SAMM50: variants seen among roughly 807,000 people sequenced by gnomAD.
SAMM50 encodes the protein sorting and assembly machinery component 50 homolog.
Under a neutral mutation model 66.9 loss-of-function variants are expected in SAMM50, and 47 were observed. The ratio of observed to expected loss-of-function variants is 0.70; its 90% CI spans 0.56 to 0.90. The LOEUF (loss-of-function observed/expected upper bound fraction) is 0.90. Ranked by LOEUF, SAMM50 falls within the 40% of genes least tolerant of loss-of-function variation. The probability of loss-of-function intolerance (pLI) is 0.00; values close to 1 mark genes in which losing one functional copy is unlikely to be tolerated. For synonymous variants in SAMM50, 191 were observed against 214.1 expected, an observed-to-expected ratio of 0.89 and a Z score of 0.94; for missense variants, 535 against 595.3, an observed-to-expected ratio of 0.90 and a Z score of 1.05.
intron 7 of SAMM50, 173 bp from the exon 8 acceptor site, chr22:43,975,882 C>A: frequency 1.6e-6 from 1 of 637,422 alleles, no homozygotes; most frequent in Non-Finnish European, 2.7e-6. Context: ...TGTCCTTCTT[C>A]CCTCTGGTTT....
At chr22:43,985,808 C>T (rs1055345433) in intron 12 of SAMM50, among the ~76,000 whole-genome samples, 4 of 151,876 alleles carry the variant, frequency 2.6e-5, no homozygotes, top group African/African-American at 4.9e-5. Flanking sequence ...GGGGTGGCCG[C>T]GTCCTTTTGC....
intron 3 of SAMM50, among the ~76,000 whole-genome samples, chr22:43,966,877 A>C (rs1282085758): frequency 1.3e-5 from 2 of 149,954 alleles, no homozygotes; most frequent in Non-Finnish European, 3.0e-5. Context: ...TCTGTCTTCC[A>C]TTGGGTCATT....
At chr22:43,964,309 A>G (rs990498441) in intron 2 of SAMM50, 143 bp from the exon 3 acceptor site, 7 of 513,324 alleles carry the variant, frequency 1.4e-5, no homozygotes, top group African/African-American at 1.2e-4. Flanking sequence ...TGTGAAAGAT[A>G]GTAAAGTCCA....
intron 4 of SAMM50, among the ~76,000 whole-genome samples, chr22:43,971,530 A>G (rs889990891): frequency 1.8e-4 from 28 of 152,248 alleles, no homozygotes; most frequent in African/African-American, 6.3e-4. Context: ...TGACACCCCT[A>G]TTGTCATGTG....
At chr22:43,970,691 C>T (rs2050198859) in intron 4 of SAMM50, among the ~76,000 whole-genome samples, 1 of 151,968 alleles carries the variant, frequency 6.6e-6, no homozygotes, top group South Asian at 2.1e-4. Context: ...TTCATGGAAA[C>T]TCTTTGTACT....
chr22:43,958,096 G>T (rs975764002), intron 1 of SAMM50, among the ~76,000 whole-genome samples: 1 of 152,150 alleles, frequency 6.6e-6, no homozygotes, highest in African/African-American at 2.4e-5. Flanking sequence ...GGCTTTATTT[G>T]GACCGCACTA....
chr22:43,980,222 C>G (rs559671463), intron 10 of SAMM50, among the ~76,000 whole-genome samples: 37 of 41,732 alleles, frequency 8.9e-4, no homozygotes, highest in Middle Eastern at 0.011. Flanking sequence ...TGCTGGCTGC[C>G]AGGCACTGTC....
intron 13 of SAMM50, among the ~76,000 whole-genome samples, chr22:43,989,523 AG>A (rs1395643645): frequency 1.3e-5 from 2 of 152,172 alleles, no homozygotes; most frequent in East Asian, 1.9e-4. Context: ...TTTTTAGTAG[AG>A]ACGAGATTTC....
At chr22:43,972,499 A>C (rs1052679339) in intron 5 of SAMM50, among the ~76,000 whole-genome samples, 157 bp downstream of exon 5, 3 of 152,206 alleles carry the variant, frequency 2.0e-5, no homozygotes, top group Non-Finnish European at 4.4e-5. Context: ...TCACCGTAGA[A>C]TTGGTGATAA....
chr22:43,967,128 C>G (rs535983574), intron 3 of SAMM50, among the ~76,000 whole-genome samples: 2 of 152,288 alleles, frequency 1.3e-5, no homozygotes, highest in African/African-American at 4.8e-5. Flanking sequence ...TTAAGTGTTG[C>G]TTTTCCACAA....
intron 3 of SAMM50, among the ~76,000 whole-genome samples, chr22:43,966,907 A>G (rs60652906): frequency 0.021 from 3,171 of 152,058 alleles, 125 homozygotes; most frequent in African/African-American, 0.073. Context: ...TTGATTTGCA[A>G]TAGCTCTTTG....
intron 7 of SAMM50, chr22:43,975,754 C>T (rs149795692): frequency 2.1e-5 from 6 of 279,308 alleles, no homozygotes; most frequent in African/African-American, 8.4e-5. Context: ...TAGCACCTGT[C>T]GATGATAGAG....
intron 14 of SAMM50, among the ~76,000 whole-genome samples, chr22:43,992,204 T>C (rs527341357): frequency 6.6e-6 from 1 of 152,336 alleles, no homozygotes; most frequent in South Asian, 2.1e-4. Context: ...CGCATCAGCA[T>C]GTAGGGGATG....
At chr22:43,956,151 A>G (rs1287982761) in intron 1 of SAMM50, among the ~76,000 whole-genome samples, 4 of 152,184 alleles carry the variant, frequency 2.6e-5, no homozygotes, top group Non-Finnish European at 2.9e-5. Flanking sequence ...TTAAAAGACA[A>G]TGCATGTGAA....
intron 7 of SAMM50, among the ~76,000 whole-genome samples, chr22:43,974,321 C>T (rs2050220057): frequency 1.3e-5 from 2 of 152,322 alleles, no homozygotes; most frequent in Admixed American, 6.5e-5. Context: ...ACTCCCCCGT[C>T]TCCCTTAGGG....
At chr22:43,981,536 T>C in intron 11 of SAMM50, 75 bp downstream of exon 11, 1 of 1,071,620 alleles carries the variant, frequency 9.3e-7, no homozygotes, top group Non-Finnish European at 1.4e-6. Context: ...TTATAAGATA[T>C]TTTAGAGAAG....
intron 14 of SAMM50, among the ~76,000 whole-genome samples, chr22:43,990,704 C>T (rs1161046229): frequency 2.0e-5 from 3 of 151,782 alleles, no homozygotes; most frequent in Non-Finnish European, 4.4e-5. Flanking sequence ...TGATTTGGTT[C>T]CTGTGTGCTG....
At position 43,983,948 on chromosome 22, in the gene SAMM50, A is replaced by G. The variant is rs568132635; in HGVS notation, c.1023A>G (p.Gly341=). Residue 341 remains glycine, a synonymous_variant, in exon 12 of 15, where the codon GGA becomes GGG. Coordinates refer to ENST00000350028, the MANE Select transcript of SAMM50 (RefSeq NM_015380.5). This position sits in a 1 kb window ranked among gnomAD's most constrained non-coding sequence, Gnocchi z 4.2. ...SSIADRFYLG[G]PTSIRGFSMH... is the part of the protein sequence containing the mutation. ...TTTGTCCTAGGTTTTACCTTGGGGG[A>G]CCCACAAGCATCCGCGGATTCAGCA... The G allele has an allele frequency of 2.5e-6, 4 of 1,610,566 alleles. No individual in the cohort carries two copies. In the East Asian group the frequency reaches 9.0e-5, roughly 36 times the overall value.
intron 14 of SAMM50, among the ~76,000 whole-genome samples, chr22:43,993,108 G>A (rs933388492): frequency 3.3e-5 from 5 of 152,230 alleles, no homozygotes; most frequent in Non-Finnish European, 7.3e-5. Context: ...ATCCTTGCAG[G>A]TAGCCCCAGA....
Sources: gnomAD v4.1 joint callset for allele counts (sites outside exome capture counted in the v4.1 genomes callset) on GRCh38, gnomAD v4.1.1 for gene constraint, Gnocchi (gnomAD v3.1) non-coding constraint, MANE v1.5 for transcripts, NCBI Gene and HGNC (gene_info 2026-07-23, HGNC 2026-07-21) for gene names.